EFCAB8: variants seen among roughly 807,000 people sequenced by gnomAD.
The protein encoded by EFCAB8 is EF-hand calcium-binding domain-containing protein 8.
In EFCAB8, 100 loss-of-function variants were observed where a neutral mutation model predicts 116.3. The ratio of observed to expected loss-of-function variants is 0.86; its 90% confidence interval spans 0.73 to 1.02. The LOEUF (loss-of-function observed/expected upper bound fraction) is 1.02. Among genes scored for constraint, EFCAB8 ranks in the 50% least tolerant of loss-of-function variants. The probability of loss-of-function intolerance (pLI) is 0.00; values close to 1 mark genes in which losing one functional copy is unlikely to be tolerated. For synonymous variants in EFCAB8, 558 were observed against 567.9 expected, an observed-to-expected ratio of 0.98 and a Z score of 0.25; for missense variants, 1,320 against 1,416.9, an observed-to-expected ratio of 0.93 and a Z score of 1.10.
At chr20:32,943,368 G>T (rs2146291505) in intron 22 of EFCAB8, among the ~76,000 whole-genome samples, 1 of 150,800 alleles carries the variant, frequency 6.6e-6, no homozygotes, top group Admixed American at 6.6e-5. Context: ...TCATATGCAA[G>T]TCATATGTAG....
At chr20:32,908,958 T>C (rs1179686273) in intron 14 of EFCAB8, among the ~76,000 whole-genome samples, 3 of 151,984 alleles carry the variant, frequency 2.0e-5, no homozygotes, top group African/African-American at 7.2e-5. Context: ...ACAGGAAAGA[T>C]TGGGACAAGC....
chr20:32,887,302 G>A (rs1414517718), intron 6 of EFCAB8, among the ~76,000 whole-genome samples: 3 of 152,222 alleles, frequency 2.0e-5, no homozygotes, highest in Non-Finnish European at 2.9e-5. Context: ...AGCGCCAGGC[G>A]CGGAGGCTCA....
At chr20:32,920,418 C>T (rs1458212588) in intron 20 of EFCAB8, among the ~76,000 whole-genome samples, 5 of 152,004 alleles carry the variant, frequency 3.3e-5, no homozygotes, top group Admixed American at 1.3e-4. Context: ...TGTATTAATT[C>T]GTTTTCATGC....
chr20:32,948,475 A>C (rs775503512), intron 23 of EFCAB8, among the ~76,000 whole-genome samples: 2 of 151,506 alleles, frequency 1.3e-5, no homozygotes, highest in African/African-American at 2.4e-5. Context: ...CCAACTCATG[A>C]GGCAACTTGG....
rs73904088 is a variant in EFCAB8, at chr20:32,960,216, C to T, written c.3393+55C>T. 4,342 of 1,486,346 alleles carry T rather than the reference C, an allele frequency of 2.9e-3. 80 individuals carry two copies. In the African/African-American group the frequency reaches 0.044, roughly 15 times the overall value. 92.1% of individuals were successfully genotyped at this position (1,486,346 alleles called of 1,614,324 possible). A position where few individuals can be genotyped will look rare whatever the true frequency, so the allele number is the denominator to read the frequency against. On this transcript the variant is annotated intron_variant, in intron 26 of 26. Coordinates refer to ENST00000400522, the MANE Select transcript of EFCAB8 (RefSeq NM_001143967.2). ...GGCTGGGTCAGGGGCCAGGGGATCC[C>T]ATGTCCACCAGCAGCCACCCTTGTG...
intron 17 of EFCAB8, among the ~76,000 whole-genome samples, chr20:32,915,970 C>T (rs758067852): frequency 1.1e-3 from 173 of 152,130 alleles, no homozygotes; most frequent in Non-Finnish European, 2.3e-3. Context: ...CCCTGCCCAG[C>T]TGCTGTTACC....
At chr20:32,927,348 A>T (rs565676682) in intron 20 of EFCAB8, among the ~76,000 whole-genome samples, 2 of 151,892 alleles carry the variant, frequency 1.3e-5, no homozygotes, top group African/African-American at 4.8e-5. Context: ...TATTTATTTA[A>T]TTTAAAATTT....
At chr20:32,876,377 C>T (rs539022847) in intron 4 of EFCAB8, among the ~76,000 whole-genome samples, 2 of 152,380 alleles carry the variant, frequency 1.3e-5, no homozygotes, top group East Asian at 3.9e-4. Flanking sequence ...CCACGACCAT[C>T]TCATGACCCT....
At chr20:32,915,631 C>A (rs1163227033) in intron 17 of EFCAB8, among the ~76,000 whole-genome samples, 1 of 151,004 alleles carries the variant, frequency 6.6e-6, no homozygotes, top group Non-Finnish European at 1.5e-5. Context: ...GCAATGCAAG[C>A]TTTTTCTAGC....
At chr20:32,944,502 C>T (rs756145547) in intron 23 of EFCAB8, among the ~76,000 whole-genome samples, 86 of 152,028 alleles carry the variant, frequency 5.7e-4, no homozygotes, top group Non-Finnish European at 9.7e-4. Context: ...GACTTATGTG[C>T]CACTATTACA....
chr20:32,939,131 CTT>C (rs1491343801), intron 22 of EFCAB8, among the ~76,000 whole-genome samples: 2 of 19,240 alleles, frequency 1.0e-4, no homozygotes, highest in African/African-American at 7.3e-4. Flanking sequence ...CTTTCTCTTT[CTT>C]TCTTTCTTTC....
At chr20:32,955,465 A>C (rs1988936916) in intron 23 of EFCAB8, among the ~76,000 whole-genome samples, 1 of 152,204 alleles carries the variant, frequency 6.6e-6, no homozygotes, top group African/African-American at 2.4e-5. Flanking sequence ...GCTAGAGCCC[A>C]GGTGTTTGAG....
intron 1 of EFCAB8, among the ~76,000 whole-genome samples, chr20:32,859,911 A>C (rs1203792475): frequency 6.6e-6 from 1 of 152,194 alleles, no homozygotes; most frequent in African/African-American, 2.4e-5. Context: ...GTTTTTTCCC[A>C]ATCGGATTCA....
Position 32,930,564 on chromosome 20 carries a change from C to T in EFCAB8, c.2579C>T (p.Thr860Ile). ...NGDVVVGAMA[T>I]DKNDWILITG... ...GATGTTGTCGTGGGTGCCATGGCCA[C>T]TGATAAAAATGACTGGATCCTCATC... is the stretch of plus-strand genomic sequence containing the variant. The change falls in exon 21 of 27, where the codon ACT (threonine) becomes ATT (isoleucine). Residue 860 changes from threonine to isoleucine, a missense_variant. By Grantham distance (89) the Thr-to-Ile change is moderately conservative (BLOSUM62 -1). Transcript: ENST00000400522. 1 of 1,552,322 alleles carries T rather than the reference C, an allele frequency of 6.4e-7. No homozygotes were observed. The highest frequency in any genetic ancestry group is 1.2e-5 in the South Asian group (1 of 84,068).
At chr20:32,907,765 C>A (rs182791769) in intron 13 of EFCAB8, among the ~76,000 whole-genome samples, 1 of 152,144 alleles carries the variant, frequency 6.6e-6, no homozygotes, top group Non-Finnish European at 1.5e-5. Context: ...GGTCCCCAGT[C>A]GGCCATGGGC....
intron 14 of EFCAB8, 69 bp from the exon 15 acceptor site, chr20:32,909,752 C>A: frequency 1.2e-6 from 1 of 802,756 alleles, no homozygotes; most frequent in Non-Finnish European, 1.7e-6. Flanking sequence ...GAAGTTTTTC[C>A]CGGCAGCCCA....
At chr20:32,924,167 C>A (rs1568932924) in intron 20 of EFCAB8, among the ~76,000 whole-genome samples, 1 of 152,188 alleles carries the variant, frequency 6.6e-6, no homozygotes, top group Non-Finnish European at 1.5e-5. Flanking sequence ...GATTCTCCCA[C>A]CTCAGCCTTC....
At chr20:32,887,452 T>C (rs1243701505) in intron 6 of EFCAB8, among the ~76,000 whole-genome samples, 2 of 152,192 alleles carry the variant, frequency 1.3e-5, no homozygotes, top group Non-Finnish European at 2.9e-5. Context: ...GGCGCACCCC[T>C]GTAATCCCAG....
chr20:32,900,498 C>T (rs1986372282), intron 11 of EFCAB8, among the ~76,000 whole-genome samples: 2 of 151,888 alleles, frequency 1.3e-5, no homozygotes, highest in African/African-American at 4.8e-5. Context: ...GTAGCTGGGA[C>T]TACAGGCACG....
Sources: gnomAD v4.1 joint callset for allele counts (sites outside exome capture counted in the v4.1 genomes callset) on GRCh38, gnomAD v4.1.1 for gene constraint, MANE v1.5 for transcripts, NCBI Gene and HGNC (gene_info 2026-07-23, HGNC 2026-07-21) for gene names.